ZNF37A: variants seen among roughly 807,000 people sequenced by gnomAD.
ZNF37A encodes the protein zinc finger protein 37A.
In ZNF37A, 10 loss-of-function variants were observed where a neutral mutation model predicts 12.3. That is an observed-to-expected ratio of 0.82 (90% CI 0.50 to 1.38). The LOEUF (loss-of-function observed/expected upper bound fraction) is 1.38, where lower values mean the gene tolerates loss of function less well. Among genes scored for constraint, ZNF37A ranks in the 40% most tolerant of loss-of-function variants. The pLI is 0.00. For synonymous variants in ZNF37A, 207 were observed against 223.0 expected, an observed-to-expected ratio of 0.93 and a Z score of 0.64; for missense variants, 580 against 651.2, an observed-to-expected ratio of 0.89 and a Z score of 1.19.
downstream of ZNF37A, among the ~76,000 whole-genome samples, chr10:38,129,546 T>TA (rs1385558079): frequency 3.3e-5 from 5 of 152,058 alleles, no homozygotes; most frequent in African/African-American, 4.8e-5. Flanking sequence ...GTTTCTGTGT[T>TA]AAAAAACTAT....
At chr10:38,106,246 A>T (rs756536285) in intron 5 of ZNF37A, among the ~76,000 whole-genome samples, 1 of 152,234 alleles carries the variant, frequency 6.6e-6, no homozygotes, top group Non-Finnish European at 1.5e-5. Context: ...GACCTGCAGC[A>T]GAGGGGCCTG....
chr10:38,110,757 A>C (rs1305540288), intron 5 of ZNF37A, among the ~76,000 whole-genome samples: 5 of 152,252 alleles, frequency 3.3e-5, no homozygotes, highest in African/African-American at 1.2e-4. Flanking sequence ...GTCATTAGAG[A>C]AATGCAAATC....
Position 38,115,280 on chromosome 10 carries a change from G to A in ZNF37A, c.228G>A (p.Gln76=), listed in dbSNP as rs766936428. Residue 76 remains glutamine, a synonymous_variant, in exon 7 of 8, where the codon CAG becomes CAA. Transcript: ENST00000685332. ...TATTAGAGGAAAAATTTCCAAGCCAGAGTCATCTGGGTGAGTTAGTATGTG... is the reference window on the plus strand; with the variant it reads ...TATTAGAGGAAAAATTTCCAAGCCAAAGTCATCTGGGTGAGTTAGTATGTG... ...PWILEEKFPS[Q]SHLELINTSR... 9.9e-6 allele frequency: 16 copies of A among 1,613,404 alleles called. No individual in the cohort carries two copies. The highest frequency in any genetic ancestry group is 6.8e-6 in the Non-Finnish European group (8 of 1,179,796).
At chr10:38,148,739 C>T (rs2136089546) in exon 8 of ZNF37A, 1 of 152,246 alleles carries the variant, frequency 6.6e-6, no homozygotes, top group Admixed American at 6.5e-5. Flanking sequence ...CATGGAGGCT[C>T]CTCTGAGAAA....
At chr10:38,104,227 G>A (rs2067836546) in intron 5 of ZNF37A, among the ~76,000 whole-genome samples, 1 of 152,034 alleles carries the variant, frequency 6.6e-6, no homozygotes, top group South Asian at 2.1e-4. Context: ...GCACTTCCTG[G>A]AAGACTAGCC....
Position 38,117,397 on chromosome 10 carries a change from T to A in ZNF37A, c.246T>A (p.Ile82=). Residue 82 remains isoleucine (I), a synonymous_variant, in exon 8 of 8, where the codon ATT becomes ATA. Coordinates refer to ENST00000685332, the MANE Select transcript of ZNF37A (RefSeq NM_001324250.3). ...TTTCACTCTGTATTTCAGAATTAAT[T>A]AATACCAGTAGAAACTATTCAATAA... is the stretch of plus-strand genomic sequence containing the variant. ...KFPSQSHLEL[I]NTSRNYSIMK... 9 of 1,557,210 alleles carry A rather than the reference T, an allele frequency of 5.8e-6. No individual in the cohort carries two copies. The highest frequency in any genetic ancestry group is 7.8e-6 in the Non-Finnish European group (9 of 1,158,612).
Position 38,095,751 on chromosome 10 carries a change from AACAG to A in ZNF37A, c.-92_-89del, listed in dbSNP as rs1376338913. 6.6e-6 allele frequency: 1 copy of A among 152,228 alleles called. No individual in the cohort carries two copies. The highest frequency in any genetic ancestry group is 1.5e-5 in the Non-Finnish European group (1 of 68,042). The allele number at this position is 152,228 out of a possible 1,614,324, so 9.4% of individuals were successfully genotyped here. On this transcript the variant is annotated 5_prime_UTR_variant, in exon 4 of 8. It introduces an in-frame stop codon into an upstream open reading frame of the 5' UTR. Transcript: ENST00000685332. ...CACATTTTGTTGTGGCAGAGTCAAG[AACAG>A]ACAGAGTCGCTTGAGGACTCAGGAG...
chr10:38,103,210 ACTGT>A (rs575752843), intron 5 of ZNF37A, among the ~76,000 whole-genome samples: 67 of 152,198 alleles, frequency 4.4e-4, no homozygotes, highest in African/African-American at 1.5e-3. Context: ...TCTCTTAGGC[ACTGT>A]CTATTTTTCA....
At chr10:38,109,775 C>T (rs1011783101) in intron 5 of ZNF37A, among the ~76,000 whole-genome samples, 5 of 152,144 alleles carry the variant, frequency 3.3e-5, no homozygotes, top group Admixed American at 2.6e-4. Context: ...CCTAGGAATA[C>T]AAGTTACACG....
chr10:38,111,333 G>C (rs751674009), intron 5 of ZNF37A, among the ~76,000 whole-genome samples: 12 of 152,004 alleles, frequency 7.9e-5, no homozygotes, highest in Non-Finnish European at 1.3e-4. Flanking sequence ...GGCCTGTCAG[G>C]GGGTTGGGGG....
chr10:38,105,628 G>C (rs1279890698), intron 5 of ZNF37A, among the ~76,000 whole-genome samples: 3 of 152,166 alleles, frequency 2.0e-5, no homozygotes, highest in Non-Finnish European at 2.9e-5. Context: ...TGAAGGCAGA[G>C]CTTCCTAATC....
At chr10:38,129,462 C>T (rs910513776), downstream of ZNF37A, among the ~76,000 whole-genome samples, 1 of 151,842 alleles carries the variant, frequency 6.6e-6, no homozygotes, top group African/African-American at 2.4e-5. Flanking sequence ...GTCTGCTGTT[C>T]CCTTCTTTGT....
chr10:38,111,484 T>TAA (rs201057446), intron 5 of ZNF37A, among the ~76,000 whole-genome samples: 9 of 143,242 alleles, frequency 6.3e-5, no homozygotes, highest in East Asian at 4.0e-4. Flanking sequence ...AGTATAATAA[T>TAA]AAAAAAAAAA....
chr10:38,109,532 G>C (rs2068452115), intron 5 of ZNF37A, among the ~76,000 whole-genome samples: 1 of 152,120 alleles, frequency 6.6e-6, no homozygotes, highest in African/African-American at 2.4e-5. Context: ...ATTCAGATAG[G>C]AAAAGAGGAA....
chr10:38,131,481 C>A (rs2070026594), intron 7 of ZNF37A, among the ~76,000 whole-genome samples: 1 of 152,126 alleles, frequency 6.6e-6, no homozygotes, highest in Admixed American at 6.5e-5. Flanking sequence ...GCATCTTTGT[C>A]AAAAACAATT....
rs916249806 is a variant in ZNF37A at position 38,122,007 on chromosome 10, G to A, written c.*3170G>A. On this transcript the variant is annotated 3_prime_UTR_variant, in exon 8 of 8. Coordinates refer to ENST00000685332, the MANE Select transcript of ZNF37A (RefSeq NM_001324250.3). Reference sequence around the variant, plus strand: ...AATTCTAGCATGTTAGAAGGTCAAGGTGGGTGGGTTGCTTGAGCTCAGGAG... The same window carrying A: ...AATTCTAGCATGTTAGAAGGTCAAGATGGGTGGGTTGCTTGAGCTCAGGAG... 7.2e-5 allele frequency: 11 copies of A among 152,420 alleles called. No homozygotes were observed. Among genetic ancestry groups the A allele is most frequent in the African/African-American group, 2.2e-4 (9 of 41,558 alleles). The allele number at this position is 152,420 out of a possible 1,614,324, so 9.4% of individuals were successfully genotyped here. A position where few individuals can be genotyped will look rare whatever the true frequency, so the allele number is the denominator to read the frequency against.
chr10:38,144,864 A>C (rs1253673702), intron 7 of ZNF37A, among the ~76,000 whole-genome samples: 3 of 152,144 alleles, frequency 2.0e-5, no homozygotes, highest in Non-Finnish European at 4.4e-5. Context: ...AGCTGCATAC[A>C]AAACTCAAGA....
At chr10:38,109,173 T>G (rs1185470396) in intron 5 of ZNF37A, among the ~76,000 whole-genome samples, 3 of 152,198 alleles carry the variant, frequency 2.0e-5, no homozygotes, top group African/African-American at 7.2e-5. Flanking sequence ...GCAAGGCTGG[T>G]GCATCATAGG....
chr10:38,108,269 T>A (rs1019085123), intron 5 of ZNF37A, among the ~76,000 whole-genome samples: 4 of 152,050 alleles, frequency 2.6e-5, no homozygotes, highest in Non-Finnish European at 5.9e-5. Flanking sequence ...ATAATGAAAT[T>A]AAGGCAGAAA....
Sources: allele counts gnomAD v4.1 joint callset (sites outside exome capture counted in the v4.1 genomes callset), GRCh38; gene constraint gnomAD v4.1.1; transcripts MANE v1.5; gene names NCBI Gene and HGNC (gene_info 2026-07-23, HGNC 2026-07-21).